Variants in TNS1 observed in about 807,000 individuals in gnomAD.
TNS1 encodes tensin-1.
TNS1 carries 62 observed loss-of-function variants against 168.6 expected under a neutral mutation model. The ratio of observed to expected loss-of-function variants is 0.37; its 90% CI spans 0.30 to 0.45. The LOEUF (loss-of-function observed/expected upper bound fraction) is 0.45. Among genes scored for constraint, TNS1 ranks in the 20% least tolerant of loss-of-function variants. The pLI is 1.00. For missense variants in TNS1, 2,240 were observed against 2,339.4 expected (o/e 0.96, Z 0.88); for synonymous variants, 934 against 933.2 (o/e 1.00, Z -0.02).
At chr2:217,836,358 C>G (rs1350136684) in intron 19 of TNS1, 147 bp from the exon 20 acceptor site, 2 of 769,898 alleles carry the variant, frequency 2.6e-6, no homozygotes, top group Admixed American at 2.9e-5. Context: ...TTCCCCTCAG[C>G]CCTCCTGGGT....
intron 6 of TNS1, among the ~76,000 whole-genome samples, chr2:217,905,020 G>A (rs919014953): frequency 1.3e-5 from 2 of 152,184 alleles, no homozygotes; most frequent in Non-Finnish European, 2.9e-5. Context: ...CATCTATAAA[G>A]TGGATTCATA....
intron 1 of TNS1, among the ~76,000 whole-genome samples, chr2:218,019,872 C>T (rs542454619): frequency 6.6e-6 from 1 of 152,234 alleles, no homozygotes; most frequent in South Asian, 2.1e-4. Flanking sequence ...TGTCAATGGC[C>T]CCAAGATCAC....
intron 18 of TNS1, among the ~76,000 whole-genome samples, chr2:217,870,425 G>A (rs1949671836): frequency 6.6e-6 from 1 of 152,242 alleles, no homozygotes; most frequent in African/African-American, 2.4e-5. Flanking sequence ...GCAGCTTTAG[G>A]TGAGTAAGAA....
At chr2:217,892,085 T>G (rs773526653) in intron 11 of TNS1, among the ~76,000 whole-genome samples, 1 of 152,142 alleles carries the variant, frequency 6.6e-6, no homozygotes, top group Non-Finnish European at 1.5e-5. Flanking sequence ...CCTGGCACAT[T>G]GTCTGTTCAA....
At chr2:217,895,907 C>T (rs1012184237) in intron 8 of TNS1, among the ~76,000 whole-genome samples, 3 of 152,224 alleles carry the variant, frequency 2.0e-5, no homozygotes, top group African/African-American at 7.2e-5. Context: ...GGTGGCAGGG[C>T]ACCAAGTCCC....
chr2:217,804,991 C>T (rs1281889242), intron 32 of TNS1, among the ~76,000 whole-genome samples: 1 of 151,458 alleles, frequency 6.6e-6, no homozygotes, highest in Non-Finnish European at 1.5e-5. Context: ...ACACACAACA[C>T]ATATGCCAAT....
rs769790449 is a variant in TNS1, at chr2:217,821,954, G to A, written c.3374-16C>T. 1.3e-5 allele frequency: 21 copies of A among 1,570,578 alleles called. No homozygotes were observed. The highest frequency in any genetic ancestry group is 9.5e-5 in the South Asian group (8 of 84,634). On this transcript the variant is annotated splice_polypyrimidine_tract_variant and intron_variant, in intron 22 of 32. Coordinates refer to ENST00000682258, the MANE Select transcript of TNS1 (RefSeq NM_001387777.1). ...CTCCGGGGCTCTGGAAGGGGCAAGAGGACAGAGACACTGAGCACAGATGCA... is the reference window on the plus strand; with the variant it reads ...CTCCGGGGCTCTGGAAGGGGCAAGAAGACAGAGACACTGAGCACAGATGCA...
At chr2:217,920,051 G>C (rs1033480582) in intron 4 of TNS1, 144 bp downstream of exon 4, 5 of 661,400 alleles carry the variant, frequency 7.6e-6, no homozygotes, top group Non-Finnish European at 1.1e-5. Flanking sequence ...GGCCCGCTTC[G>C]GCCCAGGGAG....
chr2:217,814,044 C>T (rs1941460847), intron 25 of TNS1: 2 of 370,074 alleles, frequency 5.4e-6, no homozygotes, highest in East Asian at 1.3e-4. Flanking sequence ...CTCTGTCACT[C>T]AGGCTGGCAT....
In TNS1 at chr2:217,904,512, G is replaced by A. The variant is rs193001729; in HGVS notation, c.321+1823C>T. On this transcript the variant is annotated intron_variant, in intron 6 of 32. Coordinates refer to ENST00000682258, the MANE Select transcript of TNS1 (RefSeq NM_001387777.1). ...TCTCCTCTTTTACAGTACACAGGCC[G>A]TTCTGGTAGCTGCTCACTTGCTTAC... 2.1e-4 allele frequency among the ~76,000 whole-genome samples: 32 copies of A among 152,252 alleles called. No homozygotes were observed. In the East Asian group the frequency reaches 4.2e-3, roughly 20 times the overall value.
chr2:217,910,713 T>TACACACACACACACAC, intron 4 of TNS1, among the ~76,000 whole-genome samples: 2 of 106,842 alleles, frequency 1.9e-5, no homozygotes, highest in South Asian at 7.1e-4. Context: ...CACATACACA[T>TACACACACACACACAC]ACACACACAC....
intron 1 of TNS1, among the ~76,000 whole-genome samples, chr2:218,009,815 C>T (rs1339059761): frequency 6.6e-6 from 1 of 152,208 alleles, no homozygotes; most frequent in African/African-American, 2.4e-5. Flanking sequence ...CCACAGACTC[C>T]GGGGCTATCC....
In TNS1 at chr2:217,802,525, G is replaced by C. The variant is rs1937615309; in HGVS notation, c.*1934C>G. 1 of 152,270 alleles carries C rather than the reference G, an allele frequency of 6.6e-6. No homozygotes were observed. The highest frequency in any genetic ancestry group is 6.5e-5 in the Admixed American group (1 of 15,288). The allele number at this position is 152,270 out of a possible 1,614,324, so 9.4% of individuals were successfully genotyped here. ...TCCCCACACATCCTGGGAGCTGACT[G>C]CTGGGCCCCTGGCTTGCTGAAAAGT... On this transcript the variant is annotated 3_prime_UTR_variant, in exon 33 of 33. Coordinates refer to ENST00000682258, the MANE Select transcript of TNS1 (RefSeq NM_001387777.1).
intron 18 of TNS1, among the ~76,000 whole-genome samples, chr2:217,853,971 T>A (rs1947826222): frequency 6.6e-6 from 1 of 152,190 alleles, no homozygotes; most frequent in Admixed American, 6.5e-5. Flanking sequence ...GATGTTAAAG[T>A]CACACGGTTT....
rs1392545319 is a variant in TNS1, at chr2:217,909,481, G to A, written c.229-2230C>T. Among the ~76,000 whole-genome samples the A allele has an allele frequency of 7.9e-5, 12 of 151,990 alleles. No homozygotes were observed. In the South Asian group the frequency reaches 8.3e-4, roughly 11 times the overall value. Reference sequence around the variant, plus strand: ...TGGTTAAAGCCTCCTAATAGGCCTCGACCCTCAGCAGAGCATGAGCCCAGG... The same window carrying A: ...TGGTTAAAGCCTCCTAATAGGCCTCAACCCTCAGCAGAGCATGAGCCCAGG... On this transcript the variant is annotated intron_variant, in intron 4 of 32. Coordinates refer to ENST00000682258, the MANE Select transcript of TNS1 (RefSeq NM_001387777.1).
chr2:217,893,398 GCGCACACACA>G, intron 10 of TNS1, 31 bp downstream of exon 10: 1 of 1,495,330 alleles, frequency 6.7e-7, no homozygotes, highest in Non-Finnish European at 8.9e-7. Flanking sequence ...ATGTGCGCGC[GCGCACACACA>G]CACACACACA....
intron 1 of TNS1, among the ~76,000 whole-genome samples, chr2:218,029,900 C>A (rs955036807): frequency 1.3e-5 from 2 of 152,160 alleles, no homozygotes; most frequent in African/African-American, 2.4e-5. Context: ...GGAAATATTT[C>A]AACACACTAA....
intron 4 of TNS1, among the ~76,000 whole-genome samples, chr2:217,913,526 G>A (rs1354520538): frequency 1.3e-5 from 2 of 151,790 alleles, no homozygotes; most frequent in Non-Finnish European, 2.9e-5. Context: ...AGCCACCCTT[G>A]CCTGCAGCCT....
At chr2:217,922,843 C>T (rs549210647) in intron 3 of TNS1, among the ~76,000 whole-genome samples, 3 of 152,364 alleles carry the variant, frequency 2.0e-5, no homozygotes, top group African/African-American at 7.2e-5. Context: ...CCCCCGACGG[C>T]GTCCTCCATC....
Sources: allele counts gnomAD v4.1 joint callset (sites outside exome capture counted in the v4.1 genomes callset), GRCh38; gene constraint gnomAD v4.1.1; transcripts MANE v1.5; gene names NCBI Gene and HGNC (gene_info 2026-07-23, HGNC 2026-07-21).